The following TOGARAM2 variants were observed in gnomAD, a reference collection of about 807,000 sequenced individuals.
TOGARAM2 encodes the protein TOG array regulator of axonemal microtubules 2.
TOGARAM2 carries 85 observed loss-of-function variants against 93.3 expected under a neutral mutation model. That is an observed-to-expected ratio of 0.91 (90% CI 0.76 to 1.09). The LOEUF is 1.09. Ranked by LOEUF, TOGARAM2 falls within the 50% of genes least tolerant of loss-of-function variation. The pLI is 0.00. For synonymous variants in TOGARAM2, 593 were observed against 552.8 expected (o/e 1.07, Z -1.02); for missense variants, 1,277 against 1,334.5 (o/e 0.96, Z 0.67).
chr2:28,963,680 C>T (rs1047697704), intron 1 of TOGARAM2, among the ~76,000 whole-genome samples: 2 of 152,142 alleles, frequency 1.3e-5, no homozygotes, highest in African/African-American at 4.8e-5. Flanking sequence ...ATGCAGTGCA[C>T]CTAGCTGGTG....
intron 14 of TOGARAM2, among the ~76,000 whole-genome samples, chr2:29,030,247 G>A (rs975986445): frequency 6.6e-6 from 1 of 152,138 alleles, no homozygotes; most frequent in Non-Finnish European, 1.5e-5. Context: ...TTACACTCCC[G>A]CCTGGGCAAC....
At chr2:28,998,778 TG>T (rs1673127355) in intron 3 of TOGARAM2, among the ~76,000 whole-genome samples, 1 of 152,164 alleles carries the variant, frequency 6.6e-6, no homozygotes, top group Non-Finnish European at 1.5e-5. Context: ...GGGGGTGATT[TG>T]CTCTGAGATG....
intron 18 of TOGARAM2, among the ~76,000 whole-genome samples, chr2:29,041,867 T>C (rs1174965399): frequency 6.6e-6 from 1 of 152,248 alleles, no homozygotes; most frequent in Admixed American, 6.5e-5. Flanking sequence ...GTTGCTGGGC[T>C]CTCAGAGTTT....
chr2:29,029,264 T>TACACACACAC (rs146395549), intron 14 of TOGARAM2, among the ~76,000 whole-genome samples: 2,801 of 147,948 alleles, frequency 0.019, 42 homozygotes, highest in East Asian at 0.075. Context: ...TATGTGTGTA[T>TACACACACAC]ACACACACAC....
rs1344023572 is a variant in TOGARAM2, at chr2:28,956,922, C to T, written c.-147+225C>T. 6.6e-6 allele frequency among the ~76,000 whole-genome samples: 1 copy of T among 151,918 alleles called. No individual in the cohort carries two copies. The highest frequency in any genetic ancestry group is 1.5e-5 in the Non-Finnish European group (1 of 67,968). ...GGCGGATCACCTGAGGTCAGGAGTT[C>T]GAGACTAGCCTAGCCAACATGGCGA... On this transcript the variant is annotated intron_variant, in intron 1 of 6. Coordinates refer to the TOGARAM2 transcript ENST00000401723. The surrounding 1 kb of genome is among the most constrained non-coding windows in gnomAD (Gnocchi z 4.5).
At chr2:29,006,288 T>G (rs947924514) in intron 6 of TOGARAM2, among the ~76,000 whole-genome samples, 4 of 148,912 alleles carry the variant, frequency 2.7e-5, no homozygotes, top group Non-Finnish European at 5.9e-5. Context: ...TGCATGTATG[T>G]GTGCATGTGT....
chr2:29,006,390 GTGTGTGTGAGTGCA>G (rs1432079668), intron 6 of TOGARAM2, among the ~76,000 whole-genome samples: 2 of 146,344 alleles, frequency 1.4e-5, no homozygotes, highest in Non-Finnish European at 3.0e-5. Context: ...GTGTGAGTGC[GTGTGTGTGAGTGCA>G]TGTGTGTTCA....
chr2:28,989,921 A>G (rs1403497823), intron 1 of TOGARAM2, among the ~76,000 whole-genome samples: 1 of 152,186 alleles, frequency 6.6e-6, no homozygotes, highest in Non-Finnish European at 1.5e-5. Flanking sequence ...TTCATATCTT[A>G]GTACCTATGG....
At chr2:28,994,689 C>T in intron 1 of TOGARAM2, 36 bp from the exon 2 acceptor site, 1 of 735,012 alleles carries the variant, frequency 1.4e-6, no homozygotes, top group Non-Finnish European at 2.3e-6. Flanking sequence ...TGTTAATTTG[C>T]TTTTACTGAC....
intron 1 of TOGARAM2, among the ~76,000 whole-genome samples, chr2:28,990,994 GTGTGTGTGTGT>G (rs1558406453): frequency 1.2e-3 from 20 of 16,630 alleles, no homozygotes; most frequent in African/African-American, 2.9e-3. Flanking sequence ...TGTGAAGGGT[GTGTGTGTGTGT>G]GTGTGTGTGT....
At chr2:28,993,279 T>C (rs189046580) in intron 1 of TOGARAM2, among the ~76,000 whole-genome samples, 4 of 152,270 alleles carry the variant, frequency 2.6e-5, no homozygotes, top group African/African-American at 9.6e-5. Context: ...TGGTTAGAGA[T>C]ATGGGGAACA....
intron 17 of TOGARAM2, 109 bp downstream of exon 17, chr2:29,035,765 C>A: frequency 9.0e-7 from 1 of 1,116,390 alleles, no homozygotes; most frequent in Non-Finnish European, 1.2e-6. Context: ...CCTTGCTATG[C>A]AGTTGGCCTT....
intron 14 of TOGARAM2, among the ~76,000 whole-genome samples, 197 bp downstream of exon 14, chr2:29,027,208 C>A (rs1006894691): frequency 1.3e-5 from 2 of 152,230 alleles, no homozygotes; most frequent in Non-Finnish European, 2.9e-5. Context: ...GTCCTTACTC[C>A]CTGCCTCCAC....
chr2:28,996,665 AC>A (rs932018407), intron 2 of TOGARAM2, among the ~76,000 whole-genome samples: 4 of 151,948 alleles, frequency 2.6e-5, no homozygotes, highest in African/African-American at 9.7e-5. Flanking sequence ...CTATGAAAAT[AC>A]AAAAAAATTA....
chr2:29,009,300 C>A (rs941875772), intron 6 of TOGARAM2, among the ~76,000 whole-genome samples: 1 of 152,166 alleles, frequency 6.6e-6, no homozygotes, highest in South Asian at 2.1e-4. Flanking sequence ...GGGTGAAGGG[C>A]CTGTGTGCCA....
intron 1 of TOGARAM2, among the ~76,000 whole-genome samples, chr2:28,961,893 C>A (rs1216225815): frequency 6.6e-6 from 1 of 152,150 alleles, no homozygotes; most frequent in Non-Finnish European, 1.5e-5. Context: ...TAACATCATA[C>A]AAAGATACTC....
chr2:29,036,827 G>A (rs1666144688), intron 18 of TOGARAM2, 70 bp downstream of exon 18: 16 of 1,467,842 alleles, frequency 1.1e-5, no homozygotes, highest in Non-Finnish European at 1.5e-5. Flanking sequence ...AATCTGCAAG[G>A]TGGATAAGGC....
At chr2:29,037,982 ATTT>A (rs929773497) in intron 18 of TOGARAM2, among the ~76,000 whole-genome samples, 1 of 152,150 alleles carries the variant, frequency 6.6e-6, no homozygotes, top group Non-Finnish European at 1.5e-5. Flanking sequence ...AGGGAGAGGA[ATTT>A]TTAACTCTTC....
Position 28,995,191 on chromosome 2 carries a change from G to T in TOGARAM2, c.28+329G>T, listed in dbSNP as rs79040471. Among the ~76,000 whole-genome samples the T allele has an allele frequency of 4.0e-3, 612 of 152,358 alleles. 4 individuals are homozygous for T. The highest frequency in any genetic ancestry group is 0.012 in the African/African-American group (514 of 41,574). On this transcript the variant is annotated intron_variant, in intron 2 of 19. Transcript: ENST00000379558. ...GGTTATGTGGATGGGCAGGGGATAT[G>T]GGCCGGGCCCTCAGGGAGGGTGAAC... is the stretch of plus-strand genomic sequence containing the variant.
Sources: allele counts gnomAD v4.1 joint callset (sites outside exome capture counted in the v4.1 genomes callset), GRCh38; gene constraint gnomAD v4.1.1; non-coding constraint Gnocchi (gnomAD v3.1); transcripts MANE v1.5; gene names NCBI Gene and HGNC (gene_info 2026-07-23, HGNC 2026-07-21).